PTPRD: variants seen among roughly 807,000 people sequenced by gnomAD.
The protein encoded by PTPRD is protein tyrosine phosphatase receptor type D.
A neutral mutation model predicts 214.5 loss-of-function variants in PTPRD; 34 were observed. The observed-to-expected ratio is 0.16, with a 90% CI of 0.12 to 0.21. The LOEUF is 0.21. Ranked by LOEUF, PTPRD falls within the 10% of genes least tolerant of loss-of-function variation. PTPRD has a pLI of 1.00. For synonymous variants in PTPRD, 1,128 were observed against 845.7 expected, an observed-to-expected ratio of 1.33 and a Z score of -5.79; for missense variants, 2,545 against 2,398.7, an observed-to-expected ratio of 1.06 and a Z score of -1.27.
At chr9:8,781,413 G>A (rs917530815) in intron 11 of PTPRD, among the ~76,000 whole-genome samples, 4 of 152,056 alleles carry the variant, frequency 2.6e-5, no homozygotes, top group Non-Finnish European at 4.4e-5. Context: ...AGGTAGTAAG[G>A]GAAAGAAGAA....
At chr9:8,319,358 C>G (rs929168462) in intron 45 of PTPRD, among the ~76,000 whole-genome samples, 3 of 151,932 alleles carry the variant, frequency 2.0e-5, no homozygotes, top group African/African-American at 7.2e-5. Context: ...ATATTAATAT[C>G]TCTAGGCTTA....
intron 6 of PTPRD, among the ~76,000 whole-genome samples, chr9:9,741,697 T>C (rs2098404905): frequency 6.6e-6 from 1 of 152,150 alleles, no homozygotes; most frequent in African/African-American, 2.4e-5. Context: ...TGAGTGAGAA[T>C]ATGCAGTGTT....
chr9:9,600,317 CT>C (rs981084411), intron 7 of PTPRD, among the ~76,000 whole-genome samples: 18 of 151,976 alleles, frequency 1.2e-4, no homozygotes, highest in African/African-American at 4.3e-4. Context: ...CAGTATGTTT[CT>C]TTTTTGCACA....
chr9:9,534,323 T>C (rs1352394022), intron 8 of PTPRD, among the ~76,000 whole-genome samples: 3 of 152,078 alleles, frequency 2.0e-5, no homozygotes, highest in Non-Finnish European at 4.4e-5. Context: ...ATGTTCTTTA[T>C]TCTTCAAAAT....
At chr9:9,246,925 T>C (rs1594483643) in intron 9 of PTPRD, among the ~76,000 whole-genome samples, 1 of 152,020 alleles carries the variant, frequency 6.6e-6, no homozygotes. Flanking sequence ...CATTGGAAGG[T>C]CTCAGAAGCA....
chr9:8,772,265 C>G (rs571135490), intron 11 of PTPRD, among the ~76,000 whole-genome samples: 1 of 152,144 alleles, frequency 6.6e-6, no homozygotes, highest in East Asian at 1.9e-4. Flanking sequence ...GTCTTGTTGG[C>G]TATTAACTCA....
chr9:9,332,994 T>C (rs912244200), intron 9 of PTPRD, among the ~76,000 whole-genome samples: 1 of 152,040 alleles, frequency 6.6e-6, no homozygotes, highest in African/African-American at 2.4e-5. Flanking sequence ...GATATTTTTG[T>C]ATCCAAAAAG....
intron 39 of PTPRD, among the ~76,000 whole-genome samples, chr9:8,359,712 T>C (rs1199261360): frequency 6.6e-6 from 1 of 152,178 alleles, no homozygotes; most frequent in Non-Finnish European, 1.5e-5. Context: ...AGCCATTCTC[T>C]TGCATTTTAC....
intron 4 of PTPRD, among the ~76,000 whole-genome samples, chr9:9,983,305 G>A (rs2095606265): frequency 6.6e-6 from 1 of 152,214 alleles, no homozygotes; most frequent in Non-Finnish European, 1.5e-5. Flanking sequence ...ATTTCTGCCA[G>A]AGTTCTTGGA....
At chr9:8,561,381 TC>T (rs148213734) in intron 14 of PTPRD, among the ~76,000 whole-genome samples, 4,801 of 152,220 alleles carry the variant, frequency 0.032, 198 homozygotes, top group African/African-American at 0.1. Context: ...GTTCCATTGT[TC>T]AATAAAATTC....
intron 3 of PTPRD, among the ~76,000 whole-genome samples, chr9:10,332,390 T>A (rs891772755): frequency 6.6e-6 from 1 of 151,834 alleles, no homozygotes; most frequent in African/African-American, 2.4e-5. Flanking sequence ...ATAAATGAAC[T>A]TTCTTCTAAT....
intron 4 of PTPRD, among the ~76,000 whole-genome samples, chr9:9,976,689 C>CAAAAAAAAAAAAAAAAA (rs869096131): frequency 4.6e-4 from 29 of 63,250 alleles, no homozygotes; most frequent in African/African-American, 1.4e-3. Context: ...ACCCTGCCAC[C>CAAAAAAAAAAAAAAAAA]AAAAAAAAAA....
intron 9 of PTPRD, among the ~76,000 whole-genome samples, chr9:9,324,606 G>A (rs1049615677): frequency 6.6e-6 from 1 of 152,064 alleles, no homozygotes; most frequent in African/African-American, 2.4e-5. Flanking sequence ...TTGACAGATA[G>A]GTAGATTGCA....
intron 33 of PTPRD, among the ~76,000 whole-genome samples, chr9:8,458,181 G>C (rs2096271098): frequency 6.6e-6 from 1 of 151,724 alleles, no homozygotes; most frequent in Non-Finnish European, 1.5e-5. Context: ...TATTTTAACA[G>C]AGTCATAAAA....
At position 8,564,753 on chromosome 9, in the gene PTPRD, T is replaced by C. The variant is rs564552656; in HGVS notation, c.353-35974A>G. 1.1e-4 allele frequency among the ~76,000 whole-genome samples: 17 copies of C among 152,288 alleles called. 1 individual carries two copies. The highest frequency in any genetic ancestry group is 8.3e-4 in the South Asian group (4 of 4,830). ...TCAAGTCATGTTACATTGATCTTGA[T>C]TGGACAAGAATCTCCGGAAATTTTT... is the stretch of plus-strand genomic sequence containing the variant. On this transcript the variant is annotated intron_variant, in intron 14 of 45. Coordinates refer to ENST00000381196, the MANE Select transcript of PTPRD (RefSeq NM_002839.4).
At chr9:8,649,098 C>T (rs559057004) in intron 12 of PTPRD, among the ~76,000 whole-genome samples, 40 of 152,316 alleles carry the variant, frequency 2.6e-4, no homozygotes, top group African/African-American at 9.1e-4. Context: ...ACAATGCCAT[C>T]TTTCCCAATT....
intron 11 of PTPRD, among the ~76,000 whole-genome samples, chr9:8,762,519 T>C (rs1378775381): frequency 6.6e-6 from 1 of 152,178 alleles, no homozygotes; most frequent in Non-Finnish European, 1.5e-5. Context: ...AATAAATAAT[T>C]TGTTTTTCTA....
rs551008430 is a variant in PTPRD at position 9,665,993 on chromosome 9, C to T, written c.-287+68540G>A. ...AAAGATATGAAAGTCCTTTATCTTTCCAGTTTGAAATAAGTGTTCTGCATA... is the reference window on the plus strand; with the variant it reads ...AAAGATATGAAAGTCCTTTATCTTTTCAGTTTGAAATAAGTGTTCTGCATA... On this transcript the variant is annotated intron_variant, in intron 7 of 45. Coordinates refer to ENST00000381196, the MANE Select transcript of PTPRD (RefSeq NM_002839.4). Among the ~76,000 whole-genome samples, 7 of 151,878 alleles carry T rather than the reference C, an allele frequency of 4.6e-5. No individual in the cohort carries two copies. In the East Asian group the frequency reaches 1.4e-3, roughly 29 times the overall value.
chr9:8,354,494 C>T (rs2076477822), intron 39 of PTPRD, among the ~76,000 whole-genome samples: 1 of 152,176 alleles, frequency 6.6e-6, no homozygotes, highest in African/African-American at 2.4e-5. Flanking sequence ...TTCTAATCTG[C>T]TTCAAGACTT....
Sources: allele counts gnomAD v4.1 joint callset (sites outside exome capture counted in the v4.1 genomes callset), GRCh38; gene constraint gnomAD v4.1.1; transcripts MANE v1.5; gene names NCBI Gene and HGNC (gene_info 2026-07-23, HGNC 2026-07-21).